ALPK2: variants seen among roughly 807,000 people sequenced by gnomAD.
The protein encoded by ALPK2 is alpha-protein kinase 2.
Under a neutral mutation model 163.1 loss-of-function variants are expected in ALPK2, and 127 were observed. The ratio of observed to expected loss-of-function variants is 0.78; its 90% CI spans 0.67 to 0.90. The LOEUF (loss-of-function observed/expected upper bound fraction) is 0.90, where lower values mean the gene tolerates loss of function less well. ALPK2 is among the 40% of genes least tolerant of loss of function. The pLI is 0.00. For synonymous variants in ALPK2, 953 were observed against 959.1 expected (o/e 0.99, Z 0.12); for missense variants, 2,360 against 2,589.6 (o/e 0.91, Z 1.92).
intron 3 of ALPK2, among the ~76,000 whole-genome samples, chr18:58,585,928 C>T (rs1426413230): frequency 6.6e-6 from 1 of 152,194 alleles, no homozygotes; most frequent in Non-Finnish European, 1.5e-5. Context: ...AGGTGATCTG[C>T]CTGCCTTGGC....
chr18:58,620,492 T>C (rs1398099303), intron 1 of ALPK2, among the ~76,000 whole-genome samples: 4 of 152,068 alleles, frequency 2.6e-5, no homozygotes. Flanking sequence ...AGTAGATCAG[T>C]GGTGGTTGGA....
At chr18:58,597,484 C>T (rs369401858) in intron 3 of ALPK2, among the ~76,000 whole-genome samples, 22 of 152,256 alleles carry the variant, frequency 1.4e-4, no homozygotes, top group African/African-American at 3.4e-4. Flanking sequence ...TTTACAGATA[C>T]GGAAATCGTG....
chr18:58,596,340 TGCCACCTC>T (rs1337112703), intron 3 of ALPK2, among the ~76,000 whole-genome samples: 2 of 152,224 alleles, frequency 1.3e-5, no homozygotes, highest in Non-Finnish European at 2.9e-5. Context: ...TCTGCCTGGC[TGCCACCTC>T]CTGGTGCCCA....
At chr18:58,598,133 A>T (rs2052050158) in intron 3 of ALPK2, among the ~76,000 whole-genome samples, 1 of 152,158 alleles carries the variant, frequency 6.6e-6, no homozygotes, top group African/African-American at 2.4e-5. Context: ...CCAGGGCTTA[A>T]CCCCTCTCAC....
chr18:58,497,395 CA>C (rs1169072160), intron 12 of ALPK2, among the ~76,000 whole-genome samples: 1 of 152,144 alleles, frequency 6.6e-6, no homozygotes, highest in East Asian at 1.9e-4. Flanking sequence ...GCTTTCTCCT[CA>C]GTGGCAGTCA....
intron 3 of ALPK2, among the ~76,000 whole-genome samples, chr18:58,592,670 G>T (rs953162537): frequency 6.6e-6 from 1 of 152,198 alleles, no homozygotes; most frequent in Non-Finnish European, 1.5e-5. Flanking sequence ...TGTGTGAACT[G>T]CAGGGGAAAG....
chr18:58,517,866 GA>G (rs1020900827), intron 8 of ALPK2, among the ~76,000 whole-genome samples: 3 of 149,896 alleles, frequency 2.0e-5, no homozygotes, highest in African/African-American at 4.9e-5. Flanking sequence ...AAGAGAAATC[GA>G]AAAAAAGGTA....
intron 3 of ALPK2, among the ~76,000 whole-genome samples, chr18:58,582,755 T>C (rs56049221): frequency 0.32 from 47,983 of 151,728 alleles, 8,278 homozygotes; most frequent in East Asian, 0.59. Context: ...GTATAAGGTG[T>C]ACGTTGATTC....
chr18:58,503,735 G>A (rs761776923), intron 11 of ALPK2, among the ~76,000 whole-genome samples, 196 bp downstream of exon 11: 1 of 152,062 alleles, frequency 6.6e-6, no homozygotes, highest in Non-Finnish European at 1.5e-5. Flanking sequence ...AAAATGAAAT[G>A]GCCCTCTGGC....
At chr18:58,522,921 A>AT (rs1266985019) in intron 8 of ALPK2, among the ~76,000 whole-genome samples, 15 of 146,780 alleles carry the variant, frequency 1.0e-4, no homozygotes, top group Admixed American at 2.7e-4. Context: ...TTTTTTTCTG[A>AT]TTTTTTTTTA....
intron 4 of ALPK2, among the ~76,000 whole-genome samples, chr18:58,568,210 G>A (rs1446476898): frequency 1.3e-5 from 2 of 152,164 alleles, no homozygotes; most frequent in African/African-American, 4.8e-5. Flanking sequence ...AGGTGTTTCT[G>A]GGATGCATAT....
chr18:58,513,865 T>G (rs2051507303), intron 10 of ALPK2, among the ~76,000 whole-genome samples: 1 of 152,114 alleles, frequency 6.6e-6, no homozygotes, highest in Admixed American at 6.5e-5. Flanking sequence ...AGGGAGACCA[T>G]GTCTCTTAAA....
chr18:58,537,560 CA>C lies in ALPK2; in HGVS notation c.2626del (p.Cys876AlafsTer21). ...TQVSETSVST[C>X]KSSKDGNSVM... Reference sequence around the variant, plus strand: ...TGAGTTGCCGTCCTTGCTGCTTTTGCACGTAGACACTGAAGTCTCAGACACT... The same window carrying C: ...TGAGTTGCCGTCCTTGCTGCTTTTGCCGTAGACACTGAAGTCTCAGACACT... On this transcript the variant is annotated frameshift_variant, in exon 5 of 13. Coordinates refer to ENST00000361673, the MANE Select transcript of ALPK2 (RefSeq NM_052947.4). LOFTEE classifies it high-confidence loss of function. The C allele has an allele frequency of 1.2e-6, 2 of 1,614,046 alleles. No homozygotes were observed. Among genetic ancestry groups the C allele is most frequent in the Non-Finnish European group, 1.7e-6 (2 of 1,179,916 alleles).
At chr18:58,605,174 T>G (rs1202153202) in intron 3 of ALPK2, among the ~76,000 whole-genome samples, 3 of 152,200 alleles carry the variant, frequency 2.0e-5, no homozygotes, top group Admixed American at 6.5e-5. Context: ...AGGCAAACTA[T>G]AGCCCGCAGG....
At chr18:58,561,576 A>G (rs2051825832) in intron 4 of ALPK2, among the ~76,000 whole-genome samples, 1 of 152,230 alleles carries the variant, frequency 6.6e-6, no homozygotes. Flanking sequence ...AGATGGAAGC[A>G]AAAACCACCA....
At chr18:58,554,523 C>T (rs2051778949) in intron 4 of ALPK2, among the ~76,000 whole-genome samples, 1 of 152,244 alleles carries the variant, frequency 6.6e-6, no homozygotes, top group South Asian at 2.1e-4. Flanking sequence ...GGTGCTCCTC[C>T]TTCCACCCCA....
chr18:58,560,805 G>C (rs892013053), intron 4 of ALPK2, among the ~76,000 whole-genome samples: 1 of 152,216 alleles, frequency 6.6e-6, no homozygotes, highest in African/African-American at 2.4e-5. Context: ...ATAGGGAAAA[G>C]AAATAGGGTA....
intron 10 of ALPK2, among the ~76,000 whole-genome samples, chr18:58,509,081 G>A (rs2051476250): frequency 8.0e-6 from 1 of 125,100 alleles, no homozygotes; most frequent in Non-Finnish European, 1.5e-5. Context: ...TCCCCTTCCT[G>A]TGTCCATGTG....
chr18:58,585,847 C>A (rs148171716), intron 3 of ALPK2, among the ~76,000 whole-genome samples: 3,968 of 152,128 alleles, frequency 0.026, 74 homozygotes, highest in South Asian at 0.049. Context: ...CCATGGCTGG[C>A]TAATTTTTGT....
Sources: gnomAD v4.1 joint callset for allele counts (sites outside exome capture counted in the v4.1 genomes callset) on GRCh38, gnomAD v4.1.1 for gene constraint, MANE v1.5 for transcripts, NCBI Gene and HGNC (gene_info 2026-07-23, HGNC 2026-07-21) for gene names.